The following C2CD3 variants were observed in gnomAD, a reference collection of about 807,000 sequenced individuals.
C2CD3 encodes the protein C2 domain-containing protein 3.
A neutral mutation model predicts 234.0 loss-of-function variants in C2CD3; 148 were observed. The ratio of observed to expected loss-of-function variants is 0.63; its 90% confidence interval spans 0.55 to 0.72. The LOEUF is 0.72. Among genes scored for constraint, C2CD3 ranks in the 30% least tolerant of loss-of-function variants. The pLI is 0.00. For missense variants in C2CD3, 2,577 were observed against 2,811.5 expected (o/e 0.92, Z 1.89); for synonymous variants, 1,000 against 1,035.4 (o/e 0.97, Z 0.66).
intron 32 of C2CD3, among the ~76,000 whole-genome samples, chr11:74,023,358 G>GAGGGCCAAGGCTGGCCTT (rs1489157013): frequency 1.3e-5 from 2 of 152,348 alleles, no homozygotes; most frequent in Non-Finnish European, 1.5e-5. Context: ...CTTCAGTTGT[G>GAGGGCCAAGGCTGGCCTT]AGGGCCAAGG....
chr11:74,079,276 C>T (rs894742929), intron 22 of C2CD3, among the ~76,000 whole-genome samples: 14 of 152,172 alleles, frequency 9.2e-5, no homozygotes, highest in African/African-American at 3.1e-4. Flanking sequence ...GGCAGTGTCA[C>T]CTGTAACTTT....
intron 24 of C2CD3, among the ~76,000 whole-genome samples, chr11:74,069,084 C>A (rs1434552534): frequency 6.6e-6 from 1 of 152,236 alleles, no homozygotes; most frequent in African/African-American, 2.4e-5. Context: ...AGGCATAAGC[C>A]ACTGCGTCCG....
intron 22 of C2CD3, among the ~76,000 whole-genome samples, chr11:74,084,276 C>T (rs1955534582): frequency 1.3e-5 from 2 of 152,006 alleles, no homozygotes; most frequent in African/African-American, 4.8e-5. Context: ...GGGAACATTA[C>T]ACCCCAGGGC....
chr11:74,078,680 G>GT lies in C2CD3; in HGVS notation c.4037dup (p.Asp1346GlufsTer30). On this transcript the variant is annotated frameshift_variant, in exon 23 of 33. Transcript: ENST00000334126. LOFTEE classifies it high-confidence loss of function. ...GCTCCAGGCCATGAGGTAGGCCCCC[G>GT]TCTTCTGGTAAAATGATAGGATACC... The GT allele has an allele frequency of 6.2e-7, 1 of 1,611,334 alleles. No homozygotes were observed. Among genetic ancestry groups the GT allele is most frequent in the Non-Finnish European group, 8.5e-7 (1 of 1,178,774 alleles).
chr11:74,049,245 C>G, intron 27 of C2CD3, 92 bp downstream of exon 27: 1 of 1,054,280 alleles, frequency 9.5e-7, no homozygotes, highest in South Asian at 1.4e-5. Flanking sequence ...ATAACGTATT[C>G]TATAAGCCGG....
At chr11:74,163,049 G>C (rs144118577) in intron 2 of C2CD3, among the ~76,000 whole-genome samples, 2 of 152,102 alleles carry the variant, frequency 1.3e-5, no homozygotes, top group African/African-American at 4.8e-5. Context: ...GTATGCATAA[G>C]GAATCTCAGA....
intron 14 of C2CD3, among the ~76,000 whole-genome samples, chr11:74,101,406 CA>C (rs1185189885): frequency 6.6e-6 from 1 of 151,978 alleles, no homozygotes; most frequent in Non-Finnish European, 1.5e-5. Flanking sequence ...ACATGAGAGG[CA>C]AAAAGTGTGA....
intron 13 of C2CD3, 73 bp downstream of exon 13, chr11:74,106,298 C>G: frequency 4.0e-6 from 6 of 1,484,904 alleles, no homozygotes; most frequent in Non-Finnish European, 5.6e-6. Flanking sequence ...TTGTTCACTG[C>G]TATATCCTCA....
At chr11:74,085,006 G>C (rs752482182) in intron 21 of C2CD3, 36 bp from the exon 22 acceptor site, 2 of 1,222,912 alleles carry the variant, frequency 1.6e-6, no homozygotes, top group Non-Finnish European at 1.2e-6. Context: ...ATTATTTGAT[G>C]GTCTATTCAT....
intron 15 of C2CD3, among the ~76,000 whole-genome samples, chr11:74,099,809 T>C (rs908550878): frequency 6.0e-5 from 9 of 149,344 alleles, no homozygotes; most frequent in Admixed American, 2.0e-4. Flanking sequence ...GGCAGAAGAA[T>C]GGCGTGAACC....
chr11:74,169,745 A>C (rs1474704564), intron 1 of C2CD3, among the ~76,000 whole-genome samples: 1 of 152,196 alleles, frequency 6.6e-6, no homozygotes, highest in African/African-American at 2.4e-5. Flanking sequence ...CTGTTTTGAC[A>C]CAGGGAGCAC....
At chr11:74,146,582 G>C (rs1335856685) in intron 3 of C2CD3, among the ~76,000 whole-genome samples, 6 of 152,106 alleles carry the variant, frequency 3.9e-5, no homozygotes, top group South Asian at 2.1e-4. Flanking sequence ...TGATGATCCT[G>C]AAATGGTCTT....
chr11:74,100,463 C>T, intron 15 of C2CD3, 62 bp downstream of exon 15: 1 of 1,454,612 alleles, frequency 6.9e-7, no homozygotes, highest in East Asian at 2.3e-5. Flanking sequence ...AAAAGAATTC[C>T]TTTTCAGTCC....
chr11:74,130,675 A>T (rs1385221219), intron 7 of C2CD3, among the ~76,000 whole-genome samples: 1 of 152,186 alleles, frequency 6.6e-6, no homozygotes, highest in Non-Finnish European at 1.5e-5. Context: ...TTTTTTCTAA[A>T]CTATCAACTC....
intron 7 of C2CD3, among the ~76,000 whole-genome samples, chr11:74,131,265 G>GT (rs1957671098): frequency 2.0e-5 from 3 of 150,748 alleles, no homozygotes; most frequent in Admixed American, 2.0e-4. Flanking sequence ...AGAGGTTGCA[G>GT]TAAGCCGAGA....
intron 2 of C2CD3, chr11:74,164,134 T>G: frequency 1.1e-6 from 1 of 948,824 alleles, no homozygotes; most frequent in Non-Finnish European, 1.3e-6. Context: ...AAAGCTTAAT[T>G]CTTAGTAGAC....
chr11:74,126,039 G>T (rs1470111542), intron 7 of C2CD3, among the ~76,000 whole-genome samples: 1 of 152,128 alleles, frequency 6.6e-6, no homozygotes, highest in East Asian at 1.9e-4. Context: ...TTCAGTAGAA[G>T]ACATTTTCCT....
intron 22 of C2CD3, among the ~76,000 whole-genome samples, chr11:74,083,229 G>T (rs1955473462): frequency 6.6e-6 from 1 of 152,138 alleles, no homozygotes; most frequent in Non-Finnish European, 1.5e-5. Context: ...TGGGAAAACT[G>T]GCTAGCCATA....
chr11:74,039,074 T>C (rs1444688964), intron 29 of C2CD3, among the ~76,000 whole-genome samples: 2 of 152,244 alleles, frequency 1.3e-5, no homozygotes, highest in African/African-American at 2.4e-5. Flanking sequence ...CGGTGGTGTG[T>C]ACCAAATCAC....
Sources: allele counts gnomAD v4.1 joint callset (sites outside exome capture counted in the v4.1 genomes callset), GRCh38; gene constraint gnomAD v4.1.1; transcripts MANE v1.5; gene names NCBI Gene and HGNC (gene_info 2026-07-23, HGNC 2026-07-21).